ABCB4: variants seen among roughly 807,000 people sequenced by gnomAD.
The protein encoded by ABCB4 is phosphatidylcholine translocator ABCB4.
ABCB4 carries 76 observed loss-of-function variants against 145.7 expected under a neutral mutation model. The observed-to-expected ratio is 0.52, with a 90% CI of 0.43 to 0.63. ABCB4 has a LOEUF of 0.63. Ranked by LOEUF, ABCB4 falls within the 30% of genes least tolerant of loss-of-function variation. The pLI is 0.00. For missense variants in ABCB4, 1,234 were observed against 1,553.1 expected (o/e 0.79, Z 3.45); for synonymous variants, 517 against 566.8 (o/e 0.91, Z 1.25).
At chr7:87,414,599 T>C (rs1808843294) in intron 21 of ABCB4, among the ~76,000 whole-genome samples, 1 of 152,370 alleles carries the variant, frequency 6.6e-6, no homozygotes, top group East Asian at 1.9e-4. Context: ...TAAATCTTAG[T>C]TCTGTAGTTG....
chr7:87,419,670 T>C (rs1056090241), intron 19 of ABCB4, among the ~76,000 whole-genome samples: 1 of 151,848 alleles, frequency 6.6e-6, no homozygotes, highest in Admixed American at 6.6e-5. Context: ...CTCAATGGAC[T>C]CACCAGGGCC....
chr7:87,457,862 T>C (rs1327958561), intron 4 of ABCB4, among the ~76,000 whole-genome samples: 2 of 152,316 alleles, frequency 1.3e-5, no homozygotes, highest in Middle Eastern at 3.4e-3. Flanking sequence ...AATCAATGTC[T>C]GCCTTCCCGG....
intron 3 of ABCB4, among the ~76,000 whole-genome samples, chr7:87,471,149 G>T (rs1442299473): frequency 2.0e-5 from 3 of 151,898 alleles, no homozygotes; most frequent in Non-Finnish European, 4.4e-5. Context: ...CTCACTCACA[G>T]GTGGGAACTG....
chr7:87,372,092 C>T, the ABCB4 span, among the ~76,000 whole-genome samples: 2 of 151,248 alleles, frequency 1.3e-5, no homozygotes, highest in African/African-American at 2.4e-5. Flanking sequence ...TGGCATATCC[C>T]TCATTACAAG....
At position 87,443,984 on chromosome 7, in the gene ABCB4, C is replaced by T. The variant is rs45453294; in HGVS notation, c.1120-211G>A. On this transcript the variant is annotated intron_variant, in intron 10 of 27. Coordinates refer to ENST00000649586, the MANE Select transcript of ABCB4 (RefSeq NM_000443.4). ...GAAAATAGTGTTTTCCTGAAAAGTA[C>T]GTAAGAGATATTCATCTCATTTCAT... Among the ~76,000 whole-genome samples the T allele has an allele frequency of 8.9e-3, 1,358 of 152,174 alleles. 16 individuals carry two copies. Among genetic ancestry groups the T allele is most frequent in the African/African-American group, 0.03 (1,264 of 41,516 alleles).
At chr7:87,456,185 T>A (rs899289801) in intron 4 of ABCB4, among the ~76,000 whole-genome samples, 6 of 152,240 alleles carry the variant, frequency 3.9e-5, no homozygotes, top group African/African-American at 1.2e-4. Flanking sequence ...GTGGTTTTTT[T>A]ATTTCCCTGA....
intron 25 of ABCB4, among the ~76,000 whole-genome samples, chr7:87,407,154 A>T (rs1808258520): frequency 6.6e-6 from 1 of 152,198 alleles, no homozygotes; most frequent in Admixed American, 6.5e-5. Context: ...TGTAATATGT[A>T]CTTGAAAATA....
rs1190169882 is a variant in ABCB4, at chr7:87,423,976, C to T, written c.2141G>A (p.Gly714Glu). Residue 714 changes from glycine to glutamate, a missense_variant, in exon 17 of 28, where the codon GGA becomes GAA. Coordinates refer to ENST00000649586, the MANE Select transcript of ABCB4 (RefSeq NM_000443.4). ...NKTEWPYFVVGTVCAIANGGL... is the reference protein window; with the variant it reads ...NKTEWPYFVVETVCAIANGGL... ...CCCATTGGCAATGGCACATACTGTT[C>T]CCACGACAAAGTAGGGCCATTCTGT... The T allele has an allele frequency of 6.2e-7, 1 of 1,613,972 alleles. No homozygotes were observed. The highest frequency in any genetic ancestry group is 8.5e-7 in the Non-Finnish European group (1 of 1,180,006).
intron 7 of ABCB4, 34 bp from the exon 8 acceptor site, chr7:87,450,126 T>C: frequency 6.2e-7 from 1 of 1,613,006 alleles, no homozygotes; most frequent in Non-Finnish European, 8.5e-7. Flanking sequence ...CACTTTTGTA[T>C]AGGGAGAAAA....
chr7:87,404,383 T>A (rs1808030993), intron 26 of ABCB4, among the ~76,000 whole-genome samples: 1 of 152,108 alleles, frequency 6.6e-6, no homozygotes, highest in African/African-American at 2.4e-5. Flanking sequence ...GATCATGGAC[T>A]GAAATTTAAA....
chr7:87,421,887 T>C (rs1215394564), intron 18 of ABCB4, among the ~76,000 whole-genome samples: 2 of 152,184 alleles, frequency 1.3e-5, no homozygotes, highest in African/African-American at 2.4e-5. Flanking sequence ...TAAACTGAGG[T>C]CTCTTGTCCT....
chr7:87,415,228 T>G (rs1406406570), intron 21 of ABCB4, among the ~76,000 whole-genome samples: 3 of 152,030 alleles, frequency 2.0e-5, no homozygotes, highest in African/African-American at 7.3e-5. Context: ...CCCTGCCCAG[T>G]AACCAACACC....
At chr7:87,387,025 G>A in the ABCB4 span, among the ~76,000 whole-genome samples, 16 of 152,032 alleles carry the variant, frequency 1.1e-4, no homozygotes, top group South Asian at 1.5e-3. Flanking sequence ...TTCCACATGC[G>A]GCCTGGCAGC....
chr7:87,410,967 C>A (rs1319149907), intron 23 of ABCB4, among the ~76,000 whole-genome samples: 3 of 152,250 alleles, frequency 2.0e-5, no homozygotes, highest in African/African-American at 7.2e-5. Context: ...AGGGTGGTAG[C>A]AGTTTCCAGC....
chr7:87,392,591 T>TA, the ABCB4 span: 1 of 1,613,586 alleles, frequency 6.2e-7, no homozygotes, highest in Non-Finnish European at 8.5e-7. Flanking sequence ...CAAAAGATGT[T>TA]ACAAGCTTTT....
chr7:87,421,979 G>T (rs1809470476), intron 18 of ABCB4, 142 bp downstream of exon 18: 1 of 665,270 alleles, frequency 1.5e-6, no homozygotes, highest in African/African-American at 1.8e-5. Context: ...CCCTGATAAG[G>T]AGTCTACCCT....
At chr7:87,469,795 A>C (rs891976323) in intron 3 of ABCB4, among the ~76,000 whole-genome samples, 1 of 152,228 alleles carries the variant, frequency 6.6e-6, no homozygotes, top group African/African-American at 2.4e-5. Context: ...CATACTGCCC[A>C]AGGTAATTTA....
intron 26 of ABCB4, among the ~76,000 whole-genome samples, chr7:87,405,258 A>G (rs890038628): frequency 1.3e-5 from 2 of 152,194 alleles, no homozygotes; most frequent in Admixed American, 6.5e-5. Flanking sequence ...AAAAGTTTAC[A>G]TACTGTATAT....
chr7:87,446,976 A>G, intron 9 of ABCB4, 58 bp downstream of exon 9: 2 of 1,457,402 alleles, frequency 1.4e-6, no homozygotes, highest in Non-Finnish European at 1.9e-6. Context: ...AGAAAAGAGA[A>G]GGTAGATGGA....
Sources: gnomAD v4.1 joint callset for allele counts (sites outside exome capture counted in the v4.1 genomes callset) on GRCh38, gnomAD v4.1.1 for gene constraint, MANE v1.5 for transcripts, NCBI Gene and HGNC (gene_info 2026-07-23, HGNC 2026-07-21) for gene names.